KCNAB1: variants seen among roughly 807,000 people sequenced by gnomAD.
KCNAB1 encodes the protein voltage-gated potassium channel subunit beta-1.
A neutral mutation model predicts 64.6 loss-of-function variants in KCNAB1; 35 were observed. The ratio of observed to expected loss-of-function variants is 0.54; its 90% CI spans 0.41 to 0.72. The LOEUF is 0.72. KCNAB1 is among the 30% of genes least tolerant of loss of function. The pLI, the probability that KCNAB1 is intolerant of heterozygous loss-of-function variation, is 0.00. For missense variants in KCNAB1, 401 were observed against 512.9 expected, an observed-to-expected ratio of 0.78 and a Z score of 2.11; for synonymous variants, 177 against 183.8, an observed-to-expected ratio of 0.96 and a Z score of 0.30.
At chr3:156,119,284 G>A (rs529118517), upstream of KCNAB1, among the ~76,000 whole-genome samples, 14 of 152,188 alleles carry the variant, frequency 9.2e-5, no homozygotes, top group Non-Finnish European at 1.9e-4. Context: ...TAGATGACTT[G>A]TTACCAAGCC....
chr3:156,496,549 C>A (rs1716025529), intron 8 of KCNAB1, among the ~76,000 whole-genome samples: 1 of 152,162 alleles, frequency 6.6e-6, no homozygotes, highest in Non-Finnish European at 1.5e-5. Context: ...TTATAAATTA[C>A]CCAGTCTCAA....
chr3:156,414,921 A>C (rs536866728), intron 1 of KCNAB1, among the ~76,000 whole-genome samples: 1 of 152,296 alleles, frequency 6.6e-6, no homozygotes, highest in South Asian at 2.1e-4. Context: ...TGGTCTGGTG[A>C]TCATGGAAAC....
chr3:156,390,092 G>A (rs998229622), intron 1 of KCNAB1, among the ~76,000 whole-genome samples: 2 of 152,170 alleles, frequency 1.3e-5, no homozygotes, highest in African/African-American at 4.8e-5. Context: ...AACACAAGGG[G>A]GAACTGGGCA....
At chr3:156,118,912 A>G (rs901939448), upstream of KCNAB1, among the ~76,000 whole-genome samples, 8 of 152,216 alleles carry the variant, frequency 5.3e-5, no homozygotes, top group African/African-American at 1.9e-4. Flanking sequence ...GGGAGCAAAG[A>G]GAGTAGTTGA....
chr3:156,293,998 T>G (rs1720627286), intron 1 of KCNAB1, among the ~76,000 whole-genome samples: 1 of 152,240 alleles, frequency 6.6e-6, no homozygotes, highest in Admixed American at 6.5e-5. Flanking sequence ...TGAACTTTCT[T>G]TTTGTAAATC....
At chr3:156,515,273 G>C in intron 10 of KCNAB1, 53 bp downstream of exon 10, 1 of 1,520,200 alleles carries the variant, frequency 6.6e-7, no homozygotes, top group East Asian at 2.3e-5. Flanking sequence ...AAAGATCACT[G>C]ATTCGGGGAA....
intron 1 of KCNAB1, among the ~76,000 whole-genome samples, chr3:156,395,544 CAAAAAAAAAAAAAAAAAAAAAAAA>C (rs61017269): frequency 1.6e-3 from 40 of 25,466 alleles, no homozygotes; most frequent in South Asian, 2.4e-3. Context: ...GACTCCGTCT[CAAAAAAAAAAAAAAAAAAAAAAAA>C]AAAAAAAAAA....
chr3:156,179,789 C>T (rs1489011164), intron 1 of KCNAB1, among the ~76,000 whole-genome samples: 1 of 152,220 alleles, frequency 6.6e-6, no homozygotes, highest in Non-Finnish European at 1.5e-5. Flanking sequence ...TACTGAACTT[C>T]TCCCTTAGAA....
chr3:156,218,577 A>G (rs934797362), intron 1 of KCNAB1, among the ~76,000 whole-genome samples: 8 of 152,078 alleles, frequency 5.3e-5, no homozygotes, highest in African/African-American at 1.9e-4. Context: ...TCTGGAGGCC[A>G]ACGAAAACAA....
At chr3:156,158,399 C>A (rs1715883369) in intron 1 of KCNAB1, among the ~76,000 whole-genome samples, 1 of 152,086 alleles carries the variant, frequency 6.6e-6, no homozygotes, top group Non-Finnish European at 1.5e-5. Context: ...AATAAATACT[C>A]TTACACTGAA....
At chr3:156,144,124 G>A (rs958359409) in intron 1 of KCNAB1, among the ~76,000 whole-genome samples, 10 of 152,120 alleles carry the variant, frequency 6.6e-5, no homozygotes, top group Non-Finnish European at 4.4e-5. Flanking sequence ...TATTGCTCCT[G>A]CACAAGTGCT....
At chr3:156,507,810 T>C (rs1347787140) in intron 8 of KCNAB1, among the ~76,000 whole-genome samples, 1 of 152,154 alleles carries the variant, frequency 6.6e-6, no homozygotes, top group Non-Finnish European at 1.5e-5. Flanking sequence ...AGCCTCCATC[T>C]TGATCCTTGC....
chr3:156,251,367 T>A (rs1178681752), intron 1 of KCNAB1, among the ~76,000 whole-genome samples: 1 of 152,140 alleles, frequency 6.6e-6, no homozygotes, highest in Non-Finnish European at 1.5e-5. Context: ...CAGAAATATA[T>A]GAAGGATTCA....
chr3:156,461,393 CT>C (rs1343313360), intron 5 of KCNAB1, among the ~76,000 whole-genome samples: 1 of 152,168 alleles, frequency 6.6e-6, no homozygotes, highest in African/African-American at 2.4e-5. Flanking sequence ...AGCTGCAGCA[CT>C]TTAACTCTTC....
intron 1 of KCNAB1, among the ~76,000 whole-genome samples, chr3:156,365,448 TC>T (rs1180030046): frequency 6.6e-6 from 1 of 152,216 alleles, no homozygotes; most frequent in East Asian, 1.9e-4. Context: ...CTCTTTAGCC[TC>T]ATAGAATGTT....
At chr3:156,410,615 CT>C (rs1158223924) in intron 1 of KCNAB1, among the ~76,000 whole-genome samples, 1 of 152,178 alleles carries the variant, frequency 6.6e-6, no homozygotes, top group Non-Finnish European at 1.5e-5. Flanking sequence ...TTCCCTCATA[CT>C]GCCACTTTGT....
At chr3:156,168,338 T>G (rs1398917353) in intron 1 of KCNAB1, among the ~76,000 whole-genome samples, 1 of 152,168 alleles carries the variant, frequency 6.6e-6, no homozygotes, top group East Asian at 1.9e-4. Context: ...TGTGTACTGT[T>G]AAGAAAGAAA....
intron 1 of KCNAB1, among the ~76,000 whole-genome samples, chr3:156,308,576 C>T (rs1342509020): frequency 6.6e-6 from 1 of 152,212 alleles, no homozygotes; most frequent in African/African-American, 2.4e-5. Context: ...AGTTCTCTCA[C>T]ATATGGAGCT....
At chr3:156,328,599 A>G (rs1723135683) in intron 1 of KCNAB1, among the ~76,000 whole-genome samples, 1 of 152,158 alleles carries the variant, frequency 6.6e-6, no homozygotes, top group African/African-American at 2.4e-5. Flanking sequence ...ACTGTTGTTG[A>G]GTTGAGTTTC....
Sources: allele counts gnomAD v4.1 joint callset (sites outside exome capture counted in the v4.1 genomes callset), GRCh38; gene constraint gnomAD v4.1.1; transcripts MANE v1.5; gene names NCBI Gene and HGNC (gene_info 2026-07-23, HGNC 2026-07-21).